Variants in PACRG observed in about 807,000 individuals in gnomAD.
PACRG encodes parkin coregulated.
PACRG carries 29 observed loss-of-function variants against 29.7 expected under a neutral mutation model. The ratio of observed to expected loss-of-function variants is 0.98; its 90% CI spans 0.73 to 1.33. The LOEUF is 1.33. Ranked by LOEUF, PACRG falls within the 40% of genes most tolerant of loss-of-function variation. The pLI, the probability that PACRG is intolerant of heterozygous loss-of-function variation, is 0.00. For missense variants in PACRG, 279 were observed against 316.2 expected (o/e 0.88, Z 0.89); for synonymous variants, 116 against 118.7 (o/e 0.98, Z 0.15).
intron 4 of PACRG, chr6:163,101,508 C>A (rs1175920770): frequency 1.3e-6 from 1 of 741,876 alleles, no homozygotes; most frequent in Non-Finnish European, 1.6e-6. Context: ...CATATTTTGT[C>A]CTTCCAAAGT....
chr6:162,947,349 A>ATATGATATATATT (rs1491156729), intron 2 of PACRG, among the ~76,000 whole-genome samples: 4 of 41,764 alleles, frequency 9.6e-5, no homozygotes, highest in African/African-American at 3.2e-4. Context: ...TATAATGATT[A>ATATGATATATATT]CATATATATA....
At chr6:162,864,470 G>A (rs1031528447) in intron 2 of PACRG, among the ~76,000 whole-genome samples, 2 of 152,144 alleles carry the variant, frequency 1.3e-5, no homozygotes, top group African/African-American at 2.4e-5. Flanking sequence ...GGAGTTTAAC[G>A]ATAGGCAAAT....
chr6:163,027,655 G>A (rs1807259898), intron 2 of PACRG, among the ~76,000 whole-genome samples: 1 of 152,134 alleles, frequency 6.6e-6, no homozygotes, highest in Non-Finnish European at 1.5e-5. Context: ...AGAGGGGCCT[G>A]CCTGGCTTTA....
chr6:162,730,862 AT>A (rs1208333206), intron 1 of PACRG, among the ~76,000 whole-genome samples: 1 of 152,144 alleles, frequency 6.6e-6, no homozygotes, highest in Non-Finnish European at 1.5e-5. Flanking sequence ...CAACTTGAAG[AT>A]TTCATAGTTC....
At chr6:163,266,674 C>A (rs1783537133) in intron 4 of PACRG, among the ~76,000 whole-genome samples, 1 of 152,112 alleles carries the variant, frequency 6.6e-6, no homozygotes, top group South Asian at 2.1e-4. Context: ...GCATGTATTA[C>A]CTCTCAATCT....
chr6:162,809,492 T>C (rs1445888701), intron 1 of PACRG, among the ~76,000 whole-genome samples: 5 of 152,288 alleles, frequency 3.3e-5, no homozygotes, highest in African/African-American at 1.2e-4. Context: ...TGAAAATTTA[T>C]TGAAAGGAAG....
chr6:162,920,582 AT>A (rs1796998736), intron 2 of PACRG, among the ~76,000 whole-genome samples: 1 of 152,196 alleles, frequency 6.6e-6, no homozygotes, highest in Non-Finnish European at 1.5e-5. Context: ...GTGGATTTTT[AT>A]TAATCCATCT....
At chr6:162,990,235 G>C (rs900174686) in intron 2 of PACRG, among the ~76,000 whole-genome samples, 3 of 151,046 alleles carry the variant, frequency 2.0e-5, no homozygotes, top group Admixed American at 6.6e-5. Flanking sequence ...ATGATTTATA[G>C]TCATTTGGGT....
At chr6:163,240,049 CACAT>C (rs1424899940) in intron 4 of PACRG, among the ~76,000 whole-genome samples, 2 of 150,310 alleles carry the variant, frequency 1.3e-5, no homozygotes, top group Non-Finnish European at 3.0e-5. Context: ...CTTCTACAGA[CACAT>C]ACACACACAC....
chr6:163,208,659 T>A (rs528944383), intron 4 of PACRG, among the ~76,000 whole-genome samples: 1 of 152,342 alleles, frequency 6.6e-6, no homozygotes, highest in South Asian at 2.1e-4. Flanking sequence ...AATGCTCAAA[T>A]ATTACTTATA....
Position 163,303,275 on chromosome 6 carries a change from G to A in PACRG, c.614-11552G>A, listed in dbSNP as rs1008149379. On this transcript the variant is annotated intron_variant, in intron 4 of 4. Coordinates refer to ENST00000366888, the MANE Select transcript of PACRG (RefSeq NM_001080379.2). ...GGATGCCGGGATTGCAGTGAGCTGAGATCGTGCCACTGCACTCTAGCCTGG... is the reference window on the plus strand; with the variant it reads ...GGATGCCGGGATTGCAGTGAGCTGAAATCGTGCCACTGCACTCTAGCCTGG... Among the ~76,000 whole-genome samples the A allele has an allele frequency of 8.5e-5, 13 of 152,292 alleles. No homozygotes were observed. The East Asian group carries it at 2.3e-3, about 27-fold the overall frequency.
intron 4 of PACRG, among the ~76,000 whole-genome samples, chr6:163,241,583 A>T (rs190856140): frequency 1.1e-3 from 173 of 152,312 alleles, no homozygotes; most frequent in Non-Finnish European, 2.1e-3. Flanking sequence ...CTGGCAGCTG[A>T]AAAGGCAGGG....
At chr6:162,900,892 T>C (rs974174754) in intron 2 of PACRG, among the ~76,000 whole-genome samples, 2 of 152,192 alleles carry the variant, frequency 1.3e-5, no homozygotes, top group African/African-American at 2.4e-5. Context: ...AAAAGACTTA[T>C]CATGAGCTGA....
chr6:163,091,284 T>G (rs1814086659), intron 4 of PACRG, among the ~76,000 whole-genome samples: 1 of 152,246 alleles, frequency 6.6e-6, no homozygotes, highest in Admixed American at 6.5e-5. Context: ...TCTAGACTAC[T>G]AAACAAAACA....
chr6:162,815,722 A>G lies in PACRG; in HGVS notation c.291+1441A>G, dbSNP rs1267677105. Among the ~76,000 whole-genome samples, 3 of 151,886 alleles carry G rather than the reference A, an allele frequency of 2.0e-5. No homozygotes were observed. In the East Asian group the frequency reaches 5.8e-4, roughly 29 times the overall value. Reference sequence around the variant, plus strand: ...TCTTAATATAAGCATATATTTCCAAAGTTTTGTTTGGATTTTTGGATTCAT... The same window carrying G: ...TCTTAATATAAGCATATATTTCCAAGGTTTTGTTTGGATTTTTGGATTCAT... On this transcript the variant is annotated intron_variant, in intron 2 of 4. Coordinates refer to ENST00000366888, the MANE Select transcript of PACRG (RefSeq NM_001080379.2).
At chr6:163,142,836 A>G (rs1224327795) in intron 4 of PACRG, among the ~76,000 whole-genome samples, 1 of 152,204 alleles carries the variant, frequency 6.6e-6, no homozygotes, top group African/African-American at 2.4e-5. Context: ...ATGATGAGAA[A>G]CTCATCAGAC....
chr6:162,837,168 G>A lies in PACRG; in HGVS notation c.291+22887G>A, dbSNP rs148183701. Among the ~76,000 whole-genome samples, 815 of 152,236 alleles carry A rather than the reference G, an allele frequency of 5.4e-3. 10 individuals carry two copies. The highest frequency in any genetic ancestry group is 0.019 in the African/African-American group (777 of 41,540). On this transcript the variant is annotated intron_variant, in intron 2 of 4. Transcript: ENST00000366888. ...GCCCTGAATGACAATCTGAGGTAGC[G>A]CATTGTCCTGCGTAGATAGTGGGGG...
chr6:162,987,388 G>A (rs1290529319), intron 2 of PACRG, among the ~76,000 whole-genome samples: 2 of 152,118 alleles, frequency 1.3e-5, no homozygotes, highest in Non-Finnish European at 2.9e-5. Flanking sequence ...AGCATGATAT[G>A]GTTTGGCTAT....
chr6:162,869,507 G>C (rs888180668), intron 2 of PACRG, among the ~76,000 whole-genome samples: 1 of 152,168 alleles, frequency 6.6e-6, no homozygotes, highest in Non-Finnish European at 1.5e-5. Flanking sequence ...GGAAGAGGTA[G>C]GCAAGGGACT....
Sources: gnomAD v4.1 joint callset for allele counts (sites outside exome capture counted in the v4.1 genomes callset) on GRCh38, gnomAD v4.1.1 for gene constraint, MANE v1.5 for transcripts, NCBI Gene and HGNC (gene_info 2026-07-23, HGNC 2026-07-21) for gene names.